ZNF415: variants seen among roughly 807,000 people sequenced by gnomAD.
ZNF415 encodes zinc finger protein 415.
A neutral mutation model predicts 7.3 loss-of-function variants in ZNF415; 5 were observed. The observed-to-expected ratio is 0.69, with a 90% CI of 0.36 to 1.44. The LOEUF is 1.44. Among genes scored for constraint, ZNF415 ranks in the 40% most tolerant of loss-of-function variants. The pLI is 0.04. For synonymous variants in ZNF415, 207 were observed against 226.3 expected (o/e 0.91, Z 0.77); for missense variants, 628 against 664.8 (o/e 0.94, Z 0.61).
intron 1 of ZNF415, among the ~76,000 whole-genome samples, chr19:53,125,668 G>C (rs1481478014): frequency 6.6e-6 from 1 of 151,898 alleles, no homozygotes; most frequent in African/African-American, 2.4e-5. Flanking sequence ...ACTGGAGCCA[G>C]GCGCGGTGGC....
chr19:53,113,786 G>A (rs889972339), intron 3 of ZNF415, among the ~76,000 whole-genome samples: 3 of 152,182 alleles, frequency 2.0e-5, no homozygotes, highest in African/African-American at 2.4e-5. Context: ...CAATGTCATC[G>A]CTAGGAGAAA....
intron 3 of ZNF415, among the ~76,000 whole-genome samples, chr19:53,114,989 G>A (rs1393336001): frequency 6.6e-6 from 1 of 152,076 alleles, no homozygotes; most frequent in African/African-American, 2.4e-5. Flanking sequence ...GACTGTGGAG[G>A]CCTCCCCTCT....
intron 1 of ZNF415, among the ~76,000 whole-genome samples, chr19:53,128,035 G>A (rs572797662): frequency 6.6e-6 from 1 of 152,084 alleles, no homozygotes; most frequent in African/African-American, 2.4e-5. Context: ...ACAAGCATGC[G>A]TGGGACAGGT....
At chr19:53,127,223 T>C (rs1601302770) in intron 1 of ZNF415, among the ~76,000 whole-genome samples, 1 of 151,450 alleles carries the variant, frequency 6.6e-6, no homozygotes, top group African/African-American at 2.4e-5. Context: ...GCCTGATTCT[T>C]AGGATCCCCG....
Position 53,129,192 on chromosome 19 carries a change from A to G in ZNF415, c.-68+3664T>C, listed in dbSNP as rs143779939. 4.7e-3 allele frequency among the ~76,000 whole-genome samples: 718 copies of G among 152,300 alleles called. 2 individuals are homozygous for G. The highest frequency in any genetic ancestry group is 6.9e-3 in the Non-Finnish European group (469 of 68,028). On this transcript the variant is annotated intron_variant, in intron 1 of 3. Coordinates refer to ENST00000243643, the MANE Select transcript of ZNF415 (RefSeq NM_018355.4). Reference sequence around the variant, plus strand: ...TTGACATTTGGGAAAAGAGAAAAGCAAATGTGACTGGTGCAGAGGGAGTCA... The same window carrying G: ...TTGACATTTGGGAAAAGAGAAAAGCGAATGTGACTGGTGCAGAGGGAGTCA...
chr19:53,108,086 C>T lies in ZNF415; in HGVS notation c.*291G>A, dbSNP rs1341195451. 2.4e-5 allele frequency: 9 copies of T among 368,394 alleles called. No homozygotes were observed. Among genetic ancestry groups the T allele is most frequent in the Non-Finnish European group, 3.4e-5 (7 of 206,906 alleles). 22.8% of individuals were successfully genotyped at this position (368,394 alleles called of 1,614,324 possible). A position where few individuals can be genotyped will look rare whatever the true frequency, so the allele number is the denominator to read the frequency against. On this transcript the variant is annotated 3_prime_UTR_variant, in exon 4 of 4. Coordinates refer to ENST00000243643, the MANE Select transcript of ZNF415 (RefSeq NM_018355.4). ...TGCACAAAATATACAAAGATGTTTA[C>T]ACATTTTGATGTCTAGTGAGTTGTG...
intron 1 of ZNF415, among the ~76,000 whole-genome samples, chr19:53,126,218 C>T (rs1239700612): frequency 2.6e-5 from 4 of 151,074 alleles, no homozygotes; most frequent in Non-Finnish European, 5.9e-5. Context: ...AGGGGCAGAG[C>T]CAAGGGCCCT....
At position 53,116,878 on chromosome 19, in the gene ZNF415, A is replaced by C. The variant is rs544192645; in HGVS notation, c.16-445T>G. On this transcript the variant is annotated intron_variant, in intron 2 of 3. Coordinates refer to ENST00000243643, the MANE Select transcript of ZNF415 (RefSeq NM_018355.4). ...TAAACGAGTCAGACAAAAATAAAGAAAGAAATAAAAAAGAATGAACACAGC... is the reference window on the plus strand; with the variant it reads ...TAAACGAGTCAGACAAAAATAAAGACAGAAATAAAAAAGAATGAACACAGC... 2.0e-5 allele frequency among the ~76,000 whole-genome samples: 3 copies of C among 152,320 alleles called. No individual in the cohort carries two copies. The East Asian group carries it at 5.8e-4, about 29-fold the overall frequency.
chr19:53,108,473 G>T lies in ZNF415; in HGVS notation c.1572C>A (p.Tyr524Ter). The T allele has an allele frequency of 2.5e-6, 4 of 1,614,132 alleles. No individual in the cohort carries two copies. The highest frequency in any genetic ancestry group is 1.3e-5 in the African/African-American group (1 of 75,030). The change falls in exon 4 of 4, where the codon TAC becomes TAA. Residue 524 changes from tyrosine to a stop codon, truncating the protein, a stop_gained. Transcript: ENST00000243643. LOFTEE classifies it low-confidence loss of function (END_TRUNC). ...HQIIHTGKKP[Y>*]KCSDCGKSFS... ...AGGACTTCCCACAATCACTACATTT[G>T]TAAGGTTTCTTTCCAGTATGGATTA...
At chr19:53,132,310 G>C (rs988383125) in intron 1 of ZNF415, among the ~76,000 whole-genome samples, 2 of 152,146 alleles carry the variant, frequency 1.3e-5, no homozygotes, top group South Asian at 2.1e-4. Context: ...CATTTTCCAC[G>C]GGGTGGAGGA....
intron 2 of ZNF415, among the ~76,000 whole-genome samples, chr19:53,120,743 G>T (rs16984492): frequency 0.083 from 12,669 of 152,044 alleles, 566 homozygotes; most frequent in East Asian, 0.12. Flanking sequence ...ATGCCTAAGA[G>T]ACCCTGCAGG....
In ZNF415 at chr19:53,108,937, T is replaced by G; in HGVS notation, c.1108A>C (p.Ser370Arg). ...TGAATTCTCTGATGAGTTGCAAGGC[T>G]TGAAGTCTGACTGAACACCTTGCCA... ...ECGKVFSQTS[S>R]LATHQRIHTG... is the part of the protein sequence containing the mutation. The change falls in exon 4 of 4, where the codon AGC becomes CGC. Residue 370 changes from serine (S) to arginine (R), a missense_variant. Transcript: ENST00000243643. 6.2e-7 allele frequency: 1 copy of G among 1,614,132 alleles called. No homozygotes were observed. Among genetic ancestry groups the G allele is most frequent in the Non-Finnish European group, 8.5e-7 (1 of 1,180,024 alleles).
chr19:53,125,895 G>A (rs369779843), intron 1 of ZNF415, among the ~76,000 whole-genome samples: 37 of 151,760 alleles, frequency 2.4e-4, no homozygotes, highest in East Asian at 1.2e-3. Flanking sequence ...CTAAGATCAC[G>A]CCACTGCACT....
intron 2 of ZNF415, among the ~76,000 whole-genome samples, chr19:53,116,941 A>T (rs1431793243): frequency 2.0e-5 from 3 of 152,226 alleles, no homozygotes; most frequent in Admixed American, 6.5e-5. Context: ...AAGGTGACCA[A>T]ATATTTGAAT....
intron 1 of ZNF415, among the ~76,000 whole-genome samples, chr19:53,129,885 G>A (rs1487638966): frequency 6.6e-6 from 1 of 152,062 alleles, no homozygotes; most frequent in African/African-American, 2.4e-5. Flanking sequence ...CCAACATGAT[G>A]AAAGCTCATC....
At chr19:53,123,634 A>G in intron 1 of ZNF415, 1 of 398,838 alleles carries the variant, frequency 2.5e-6, no homozygotes, top group Non-Finnish European at 4.4e-6. Context: ...GGACACAGGC[A>G]GGAGATGAGG....
chr19:53,125,306 T>G (rs1002385528), intron 1 of ZNF415, among the ~76,000 whole-genome samples: 7 of 151,316 alleles, frequency 4.6e-5, no homozygotes, highest in African/African-American at 1.7e-4. Context: ...CCTCCCAAAG[T>G]GATAGGATTA....
chr19:53,115,880 C>T, intron 3 of ZNF415: 1 of 1,271,700 alleles, frequency 7.9e-7, no homozygotes, highest in Non-Finnish European at 1.1e-6. Flanking sequence ...TTTCAAGAAT[C>T]TCAGCCCTTT....
At chr19:53,129,822 C>A (rs1286919395) in intron 1 of ZNF415, 1 of 381,330 alleles carries the variant, frequency 2.6e-6, no homozygotes, top group Non-Finnish European at 4.6e-6. Context: ...CCCAGCACTT[C>A]GAGGCTGAAG....
Sources: gnomAD v4.1 joint callset for allele counts (sites outside exome capture counted in the v4.1 genomes callset) on GRCh38, gnomAD v4.1.1 for gene constraint, MANE v1.5 for transcripts, NCBI Gene and HGNC (gene_info 2026-07-23, HGNC 2026-07-21) for gene names.